GRIP1: variants seen among roughly 807,000 people sequenced by gnomAD.
GRIP1 encodes the protein glutamate receptor interacting protein 1.
A neutral mutation model predicts 129.9 loss-of-function variants in GRIP1; 45 were observed. The observed-to-expected ratio is 0.35, with a 90% CI of 0.27 to 0.44. The LOEUF (loss-of-function observed/expected upper bound fraction) is 0.44. GRIP1 is among the 20% of genes least tolerant of loss of function. The probability of loss-of-function intolerance (pLI) is 1.00; values close to 1 mark genes in which losing one functional copy is unlikely to be tolerated. For synonymous variants in GRIP1, 530 were observed against 520.8 expected, an observed-to-expected ratio of 1.02 and a Z score of -0.24; for missense variants, 1,196 against 1,396.8, an observed-to-expected ratio of 0.86 and a Z score of 2.29.
At chr12:66,755,630 T>C (rs1162552200) in intron 1 of GRIP1, among the ~76,000 whole-genome samples, 2 of 152,188 alleles carry the variant, frequency 1.3e-5, no homozygotes, top group Non-Finnish European at 2.9e-5. Context: ...TTGAATGTTC[T>C]CTTGAGGCTG....
intron 1 of GRIP1, among the ~76,000 whole-genome samples, chr12:66,767,170 A>G (rs534357284): frequency 1.2e-4 from 18 of 152,306 alleles, no homozygotes; most frequent in Non-Finnish European, 7.4e-5. Flanking sequence ...TTGAATGTAA[A>G]TGCTTTTATT....
At chr12:66,904,563 T>A (rs113236454) in intron 1 of GRIP1, among the ~76,000 whole-genome samples, 2 of 140,102 alleles carry the variant, frequency 1.4e-5, no homozygotes, top group South Asian at 4.8e-4. Flanking sequence ...TATTTGCTTA[T>A]GAAACCCCAT....
intron 16 of GRIP1, among the ~76,000 whole-genome samples, chr12:66,397,829 G>A (rs73315110): frequency 0.044 from 6,742 of 152,228 alleles, 501 homozygotes; most frequent in African/African-American, 0.15. Flanking sequence ...ATGATGCATG[G>A]TGATTCATTA....
chr12:66,791,644 A>C (rs1413960696), intron 1 of GRIP1, among the ~76,000 whole-genome samples: 9 of 152,176 alleles, frequency 5.9e-5, no homozygotes, highest in Non-Finnish European at 1.5e-5. Context: ...TACCTAATCA[A>C]AGAATAACTC....
chr12:66,652,271 C>G (rs1240762319), intron 1 of GRIP1, among the ~76,000 whole-genome samples: 1 of 152,080 alleles, frequency 6.6e-6, no homozygotes, highest in African/African-American at 2.4e-5. Flanking sequence ...TTCCCCCATG[C>G]TATTCTCATG....
In GRIP1 at chr12:66,377,250, T is replaced by C; in HGVS notation, c.2657A>G (p.Gln886Arg). ...AGAADSAETE[Q>R]EENFWSQALE... ...CGCTTGAGACCAGAAGTTCTCCTCTTGTTCTGTCTCTGCACTATCGGCAGC... is the reference window on the plus strand; with the variant it reads ...CGCTTGAGACCAGAAGTTCTCCTCTCGTTCTGTCTCTGCACTATCGGCAGC... Residue 886 changes from glutamine (Q) to arginine (R), a missense_variant, in exon 21 of 25, where the codon CAA becomes CGA. Physicochemically the swap from Gln to Arg is conservative, Grantham distance 43. Around this residue, in one of 5 missense-constraint regions of GRIP1, gnomAD observed 427 missense variants for 463.3 expected, o/e 0.92. Coordinates refer to ENST00000359742, the MANE Select transcript of GRIP1 (RefSeq NM_001366722.1). 1.2e-6 allele frequency: 2 copies of C among 1,613,830 alleles called. No homozygotes were observed. The highest frequency in any genetic ancestry group is 8.5e-7 in the Non-Finnish European group (1 of 1,179,714).
Position 66,888,907 on chromosome 12 carries a change from C to T in GRIP1, c.58+180143G>A, listed in dbSNP as rs1283853911. On this transcript the variant is annotated intron_variant, in intron 1 of 1. Transcript: ENST00000643019. ...AAATTCAAATCTGAGTAAGAGTGCC[C>T]TAAAAATATTTGAAGACTACATTTA... Among the ~76,000 whole-genome samples, 3 of 151,922 alleles carry T rather than the reference C, an allele frequency of 2.0e-5. No individual in the cohort carries two copies. In the East Asian group the frequency reaches 5.8e-4, roughly 29 times the overall value.
chr12:66,382,921 T>C (rs2056181831), intron 19 of GRIP1, among the ~76,000 whole-genome samples: 1 of 151,996 alleles, frequency 6.6e-6, no homozygotes, highest in South Asian at 2.1e-4. Context: ...AGAAGGTGGG[T>C]CATGAAGGGT....
chr12:66,398,037 A>G (rs1483451691), intron 16 of GRIP1, among the ~76,000 whole-genome samples: 1 of 152,192 alleles, frequency 6.6e-6, no homozygotes, highest in East Asian at 1.9e-4. Flanking sequence ...GTCTGCCCAC[A>G]AGACAAGCTC....
At chr12:66,363,185 ATG>A (rs59061250) in intron 23 of GRIP1, among the ~76,000 whole-genome samples, 4,324 of 62,128 alleles carry the variant, frequency 0.07, 569 homozygotes, top group Admixed American at 0.11. Flanking sequence ...ATATGTATAT[ATG>A]TGTGTGTGTG....
chr12:66,521,521 G>A (rs1201949123), intron 5 of GRIP1, among the ~76,000 whole-genome samples: 2 of 152,000 alleles, frequency 1.3e-5, no homozygotes, highest in African/African-American at 4.8e-5. Flanking sequence ...AACATTCCTG[G>A]TGGAGCCAAG....
chr12:66,489,085 A>G (rs1447670339), intron 7 of GRIP1, among the ~76,000 whole-genome samples: 1 of 152,156 alleles, frequency 6.6e-6, no homozygotes, highest in Admixed American at 6.5e-5. Flanking sequence ...TATTCAAACA[A>G]ATTGAAAAGG....
intron 1 of GRIP1, among the ~76,000 whole-genome samples, chr12:67,006,174 A>G (rs188649541): frequency 4.8e-4 from 73 of 152,314 alleles, no homozygotes; most frequent in Non-Finnish European, 6.8e-4. Context: ...TCCAGAAACA[A>G]GTCAGAAAAA....
At chr12:66,809,355 A>T (rs902865940) in intron 1 of GRIP1, among the ~76,000 whole-genome samples, 3 of 152,216 alleles carry the variant, frequency 2.0e-5, no homozygotes, top group Non-Finnish European at 4.4e-5. Flanking sequence ...TTTGAGTAAC[A>T]GTATGAAACA....
chr12:66,723,218 CTTTCTT>C (rs2036119482), intron 1 of GRIP1, among the ~76,000 whole-genome samples: 2 of 49,514 alleles, frequency 4.0e-5, no homozygotes, highest in Non-Finnish European at 6.9e-5. Flanking sequence ...TTCTTTCTTT[CTTTCTT>C]TCTCTCTCTC....
chr12:66,540,135 T>C (rs546364989), intron 3 of GRIP1, among the ~76,000 whole-genome samples: 6 of 152,372 alleles, frequency 3.9e-5, no homozygotes, highest in East Asian at 3.9e-4. Context: ...TAATGCTCTG[T>C]AATAACTTCT....
chr12:66,759,912 T>C (rs1291297303), intron 1 of GRIP1, among the ~76,000 whole-genome samples: 9 of 151,706 alleles, frequency 5.9e-5, no homozygotes, highest in Non-Finnish European at 1.0e-4. Flanking sequence ...TGCAGTGCAA[T>C]GGTGCAATCT....
At chr12:67,040,654 C>T (rs2043163375) in intron 1 of GRIP1, among the ~76,000 whole-genome samples, 2 of 152,116 alleles carry the variant, frequency 1.3e-5, no homozygotes, top group African/African-American at 2.4e-5. Context: ...CACTTCATTC[C>T]TAAGGTTTCC....
intron 1 of GRIP1, among the ~76,000 whole-genome samples, chr12:66,978,940 G>A (rs184011874): frequency 6.6e-6 from 1 of 151,738 alleles, no homozygotes; most frequent in East Asian, 2.0e-4. Flanking sequence ...GTGGTAGACC[G>A]TGACACAGCC....
Sources: allele counts gnomAD v4.1 joint callset (sites outside exome capture counted in the v4.1 genomes callset), GRCh38; gene constraint gnomAD v4.1.1; regional missense constraint gnomAD v4.1.1; transcripts MANE v1.5; gene names NCBI Gene and HGNC (gene_info 2026-07-23, HGNC 2026-07-21).